TMPRSS6: variants seen among roughly 807,000 people sequenced by gnomAD.
The protein encoded by TMPRSS6 is transmembrane protease serine 6.
Under a neutral mutation model 101.5 loss-of-function variants are expected in TMPRSS6, and 67 were observed. That is an observed-to-expected ratio of 0.66 (90% CI 0.54 to 0.81). The LOEUF (loss-of-function observed/expected upper bound fraction) is 0.81. Ranked by LOEUF, TMPRSS6 falls within the 30% of genes least tolerant of loss-of-function variation. The pLI is 0.00. For missense variants in TMPRSS6, 1,034 were observed against 1,088.7 expected (o/e 0.95, Z 0.71); for synonymous variants, 453 against 464.9 (o/e 0.97, Z 0.33).
rs376849230 is a variant in TMPRSS6, at chr22:37,098,432, G to C, written c.320C>G (p.Ala107Gly). Residue 107 changes from alanine to glycine, a missense_variant, in exon 3 of 18, where the codon GCC (alanine) becomes GGC (glycine). Physicochemically the swap from Ala to Gly is moderately conservative, Grantham distance 60. Coordinates refer to ENST00000676104, the MANE Select transcript of TMPRSS6 (RefSeq NM_001374504.1). ...CTTTCCTACCATCTTCTGGGCTTTG[G>C]CGGTTTCACTGCGGAAGGCACTAGA... ...RESSAFRSET[A>G]KAQKMLKELI... The C allele has an allele frequency of 3.1e-6, 5 of 1,613,714 alleles. No individual in the cohort carries two copies. Among genetic ancestry groups the C allele is most frequent in the Non-Finnish European group, 4.2e-6 (5 of 1,180,000 alleles).
chr22:37,094,058 A>G lies in TMPRSS6; in HGVS notation c.631+1493T>C, dbSNP rs193280113. On this transcript the variant is annotated intron_variant, in intron 6 of 17. Coordinates refer to ENST00000676104, the MANE Select transcript of TMPRSS6 (RefSeq NM_001374504.1). ...ATGTCATTCTTGGCTCATGGGCTAT[A>G]CAAAATCAGGCAGCAATTGACCAGA... Among the ~76,000 whole-genome samples the G allele has an allele frequency of 3.4e-4, 52 of 152,178 alleles. 1 individual carries two copies. In the East Asian group the frequency reaches 9.7e-3, roughly 28 times the overall value.
intron 1 of TMPRSS6, among the ~76,000 whole-genome samples, chr22:37,107,789 G>C (rs1170674787): frequency 5.9e-5 from 9 of 152,116 alleles, no homozygotes; most frequent in Admixed American, 6.5e-5. Context: ...CCTCCAAAGG[G>C]TCAGATGTCA....
At chr22:37,084,238 G>C (rs1183707788) in intron 10 of TMPRSS6, 57 bp downstream of exon 10, 1 of 1,436,976 alleles carries the variant, frequency 7.0e-7, no homozygotes, top group East Asian at 2.4e-5. Flanking sequence ...TATTGAGGAG[G>C]GAAGAGAGGG....
upstream of TMPRSS6, among the ~76,000 whole-genome samples, chr22:37,110,191 T>C (rs1200536127): frequency 2.8e-5 from 4 of 141,636 alleles, no homozygotes; most frequent in East Asian, 8.9e-4. Flanking sequence ...TCACCCAGGC[T>C]AGAGTGCAGT....
At position 37,070,949 on chromosome 22, in the gene TMPRSS6, C is replaced by A; in HGVS notation, c.1639G>T (p.Asp547Tyr). 6.2e-7 allele frequency: 1 copy of A among 1,613,360 alleles called. No individual in the cohort carries two copies. Among genetic ancestry groups the A allele is most frequent in the Non-Finnish European group, 8.5e-7 (1 of 1,179,996 alleles). The change falls in exon 14 of 18, where the codon GAC becomes TAC. Residue 547 changes from aspartate to tyrosine, a missense_variant. Transcript: ENST00000676104. ...KPNPQCDGRPDCRDGSDEEHC... is the reference protein window; with the variant it reads ...KPNPQCDGRPYCRDGSDEEHC... ...TCCTCATCCGAGCCGTCCCTGCAGTCGGGCCGCCCATCACACTGCGGGTTG... is the reference window on the plus strand; with the variant it reads ...TCCTCATCCGAGCCGTCCCTGCAGTAGGGCCGCCCATCACACTGCGGGTTG...
chr22:37,071,968 TGATGGATGGATG>T (rs533682418), intron 13 of TMPRSS6, among the ~76,000 whole-genome samples: 1 of 145,140 alleles, frequency 6.9e-6, no homozygotes, highest in Non-Finnish European at 1.5e-5. Flanking sequence ...GATGGATGGA[TGATGGATGGATG>T]GATGGATGGA....
intron 13 of TMPRSS6, among the ~76,000 whole-genome samples, chr22:37,072,237 GGATGGATGGAT>G (rs1456966399): frequency 0.019 from 2,433 of 129,286 alleles, 178 homozygotes; most frequent in African/African-American, 0.067. Flanking sequence ...GATGGATGAT[GGATGGATGGAT>G]GATGGATGGA....
At chr22:37,094,602 T>G (rs1388938221) in intron 6 of TMPRSS6, among the ~76,000 whole-genome samples, 1 of 152,152 alleles carries the variant, frequency 6.6e-6, no homozygotes, top group African/African-American at 2.4e-5. Flanking sequence ...TCTTTACCAT[T>G]CTACTCGTTC....
At chr22:37,076,035 AAAG>A (rs1033046941) in intron 10 of TMPRSS6, among the ~76,000 whole-genome samples, 11 of 152,006 alleles carry the variant, frequency 7.2e-5, no homozygotes, top group African/African-American at 2.2e-4. Context: ...AAAGAGAAAG[AAAG>A]AAAGGGAGAG....
intron 10 of TMPRSS6, among the ~76,000 whole-genome samples, chr22:37,078,953 A>AAGAG (rs1284725682): frequency 8.9e-6 from 1 of 111,734 alleles, no homozygotes; most frequent in African/African-American, 3.3e-5. Flanking sequence ...GAGAAGGAGA[A>AAGAG]AAAGAGAAAG....
At chr22:37,080,867 G>T (rs1928209385) in intron 10 of TMPRSS6, among the ~76,000 whole-genome samples, 1 of 152,278 alleles carries the variant, frequency 6.6e-6, no homozygotes, top group Admixed American at 6.5e-5. Flanking sequence ...GTCACCAGCT[G>T]GCATGGGCCG....
chr22:37,085,117 G>C (rs1005156221), intron 8 of TMPRSS6, among the ~76,000 whole-genome samples: 11 of 152,286 alleles, frequency 7.2e-5, no homozygotes, highest in Non-Finnish European at 1.3e-4. Context: ...GATATTTGCG[G>C]GACAGCACTC....
chr22:37,078,827 AAAG>A (rs1927933747), intron 10 of TMPRSS6, among the ~76,000 whole-genome samples: 5 of 145,056 alleles, frequency 3.4e-5, no homozygotes, highest in African/African-American at 1.1e-4. Context: ...GAAGAAGAAG[AAAG>A]AGGAGGAGGA....
chr22:37,098,251 T>G (rs1485847378), intron 3 of TMPRSS6, among the ~76,000 whole-genome samples, 165 bp downstream of exon 3: 1 of 152,114 alleles, frequency 6.6e-6, no homozygotes, highest in East Asian at 1.9e-4. Context: ...TCCACTAACT[T>G]TCCCATGACC....
At chr22:37,098,240 A>G (rs1292487023) in intron 3 of TMPRSS6, among the ~76,000 whole-genome samples, 176 bp downstream of exon 3, 1 of 152,066 alleles carries the variant, frequency 6.6e-6, no homozygotes, top group Non-Finnish European at 1.5e-5. Context: ...TGACCCAAAC[A>G]TCCACTAACT....
chr22:37,086,605 C>T (rs973540220), intron 7 of TMPRSS6, among the ~76,000 whole-genome samples, 186 bp from the exon 8 acceptor site: 3 of 152,154 alleles, frequency 2.0e-5, no homozygotes, highest in African/African-American at 7.2e-5. Flanking sequence ...CCCCAGAGGA[C>T]AGACTGAAGG....
At chr22:37,067,337 G>A (rs1245453372) in intron 16 of TMPRSS6, among the ~76,000 whole-genome samples, 4 of 152,252 alleles carry the variant, frequency 2.6e-5, no homozygotes, top group African/African-American at 9.6e-5. Context: ...GGGTGTGGTG[G>A]CACATGCCTG....
chr22:37,068,679 G>A (rs1006143114), intron 16 of TMPRSS6: 14 of 779,578 alleles, frequency 1.8e-5, no homozygotes, highest in Non-Finnish European at 3.3e-5. Flanking sequence ...TCCGCCCGTA[G>A]GGCTGTTGGG....
At chr22:37,070,870 C>G in intron 14 of TMPRSS6, 46 bp downstream of exon 14, 2 of 1,574,812 alleles carry the variant, frequency 1.3e-6, no homozygotes, top group South Asian at 1.1e-5. Flanking sequence ...TGTGGGCACC[C>G]CCTCCCTCCC....
Sources: allele counts gnomAD v4.1 joint callset (sites outside exome capture counted in the v4.1 genomes callset), GRCh38; gene constraint gnomAD v4.1.1; transcripts MANE v1.5; gene names NCBI Gene and HGNC (gene_info 2026-07-23, HGNC 2026-07-21).